The following ARHGEF10 variants were observed in gnomAD, a reference collection of about 807,000 sequenced individuals.
The protein encoded by ARHGEF10 is Rho guanine nucleotide exchange factor 10.
ARHGEF10 carries 140 observed loss-of-function variants against 147.4 expected under a neutral mutation model. The ratio of observed to expected loss-of-function variants is 0.95; its 90% CI spans 0.83 to 1.09. The LOEUF is 1.09. Ranked by LOEUF, ARHGEF10 falls within the 50% of genes least tolerant of loss-of-function variation. The pLI, the probability that ARHGEF10 is intolerant of heterozygous loss-of-function variation, is 0.00. For missense variants in ARHGEF10, 2,222 were observed against 1,752.7 expected (o/e 1.27, Z -4.78); for synonymous variants, 902 against 695.8 (o/e 1.30, Z -4.67).
chr8:1,894,171 C>CA (rs536453124), intron 12 of ARHGEF10, among the ~76,000 whole-genome samples: 95,361 of 135,310 alleles, frequency 0.7, 33,517 homozygotes, highest in East Asian at 0.96. Context: ...GAGACTGTCT[C>CA]AAAAAAAAAA....
intron 7 of ARHGEF10, among the ~76,000 whole-genome samples, chr8:1,872,990 C>T (rs773454691): frequency 3.3e-5 from 5 of 152,190 alleles, no homozygotes; most frequent in Non-Finnish European, 7.3e-5. Context: ...TTTATCCGGT[C>T]GCTTCGGGCA....
chr8:1,870,677 C>G lies in ARHGEF10; in HGVS notation c.679+1427C>G, dbSNP rs983604565. The G allele has an allele frequency of 2.6e-5, 4 of 152,274 alleles. No homozygotes were observed. In the East Asian group the frequency reaches 7.7e-4, roughly 29 times the overall value. The allele number at this position is 152,274 out of a possible 1,614,324, so 9.4% of individuals were successfully genotyped here. A position where few individuals can be genotyped will look rare whatever the true frequency, so the allele number is the denominator to read the frequency against. On this transcript the variant is annotated intron_variant, in intron 7 of 28. Transcript: ENST00000349830. ...TTCATGAGGAAGATATATAACAGTT[C>G]TAAACTCATATGCACCTAACAGCAT...
intron 27 of ARHGEF10, among the ~76,000 whole-genome samples, chr8:1,947,879 G>A (rs1427391949): frequency 6.6e-6 from 1 of 151,550 alleles, no homozygotes; most frequent in African/African-American, 2.4e-5. Context: ...GACCTCTCCT[G>A]TAGAAGAGAA....
intron 16 of ARHGEF10, chr8:1,903,722 G>T: frequency 1.9e-6 from 1 of 532,344 alleles, no homozygotes; most frequent in East Asian, 3.4e-5. Flanking sequence ...CCTCCCAAGG[G>T]GTTAAGAGCA....
intron 4 of ARHGEF10, among the ~76,000 whole-genome samples, chr8:1,860,656 G>C (rs61149536): frequency 0.028 from 4,310 of 152,312 alleles, 228 homozygotes; most frequent in African/African-American, 0.098. Context: ...ACAACGTCTG[G>C]TGCCGAATGT....
At chr8:1,898,570 C>T (rs760191596) in intron 15 of ARHGEF10, 45 bp downstream of exon 15, 3 of 1,573,200 alleles carry the variant, frequency 1.9e-6, no homozygotes, top group East Asian at 2.2e-5. Context: ...CTCTGGCTCG[C>T]CCATGACTCA....
intron 23 of ARHGEF10, among the ~76,000 whole-genome samples, chr8:1,927,818 A>G (rs1484945136): frequency 6.6e-6 from 1 of 152,192 alleles, no homozygotes; most frequent in Non-Finnish European, 1.5e-5. Context: ...GCACGAGCCT[A>G]TAGTCCCAGT....
chr8:1,847,783 G>T (rs1447978317), intron 2 of ARHGEF10, among the ~76,000 whole-genome samples: 1 of 152,148 alleles, frequency 6.6e-6, no homozygotes, highest in African/African-American at 2.4e-5. Flanking sequence ...AACACAAACA[G>T]CCTTCATTCA....
At chr8:1,860,944 G>C (rs569026855) in intron 4 of ARHGEF10, among the ~76,000 whole-genome samples, 2 of 152,140 alleles carry the variant, frequency 1.3e-5, no homozygotes, top group Non-Finnish European at 2.9e-5. Context: ...GCTTTTCCTC[G>C]CCGGGAAGAT....
intron 11 of ARHGEF10, among the ~76,000 whole-genome samples, chr8:1,891,827 A>C (rs1585423697): frequency 6.6e-6 from 1 of 152,134 alleles, no homozygotes; most frequent in East Asian, 1.9e-4. Flanking sequence ...CATCACGTGC[A>C]GTAGCCATGA....
intron 2 of ARHGEF10, among the ~76,000 whole-genome samples, chr8:1,854,020 C>T (rs1188621921): frequency 3.3e-5 from 5 of 152,212 alleles, no homozygotes; most frequent in Admixed American, 2.6e-4. Context: ...ATTTAGGGGA[C>T]ACAATTGAAC....
intron 2 of ARHGEF10, 63 bp downstream of exon 2, chr8:1,843,499 G>A: frequency 1.6e-6 from 2 of 1,255,458 alleles, no homozygotes; most frequent in Non-Finnish European, 1.2e-6. Flanking sequence ...TCAAGGACGG[G>A]GTACTTCTGG....
At chr8:1,848,861 C>A (rs553886343) in intron 2 of ARHGEF10, among the ~76,000 whole-genome samples, 3 of 152,204 alleles carry the variant, frequency 2.0e-5, no homozygotes, top group East Asian at 3.9e-4. Flanking sequence ...CAAACATTAG[C>A]AGTTTTTTTC....
intron 1 of ARHGEF10, among the ~76,000 whole-genome samples, chr8:1,827,266 CTGTT>C (rs1036824935): frequency 6.6e-5 from 10 of 152,266 alleles, no homozygotes; most frequent in African/African-American, 7.2e-5. Context: ...GGTTTTGGTT[CTGTT>C]TGTTTGTTTT....
At chr8:1,848,419 C>G (rs1049455159) in intron 2 of ARHGEF10, among the ~76,000 whole-genome samples, 1 of 152,184 alleles carries the variant, frequency 6.6e-6, no homozygotes, top group Non-Finnish European at 1.5e-5. Flanking sequence ...TAATCCACGA[C>G]TCTGTACTTA....
At chr8:1,918,667 T>A (rs1342022765) in intron 18 of ARHGEF10, among the ~76,000 whole-genome samples, 1 of 152,248 alleles carries the variant, frequency 6.6e-6, no homozygotes, top group Non-Finnish European at 1.5e-5. Context: ...GTGAGAACCT[T>A]AAAGTCTACT....
At chr8:1,925,858 C>A (rs942748943) in intron 22 of ARHGEF10, among the ~76,000 whole-genome samples, 12 of 152,220 alleles carry the variant, frequency 7.9e-5, no homozygotes, top group African/African-American at 2.9e-4. Flanking sequence ...GTTGCTGACT[C>A]AGGCATCACA....
intron 10 of ARHGEF10, among the ~76,000 whole-genome samples, chr8:1,883,794 A>G (rs78972657): frequency 0.05 from 7,626 of 152,240 alleles, 215 homozygotes; most frequent in South Asian, 0.081. Flanking sequence ...GCCCCTGGAA[A>G]GCACAGGCAG....
intron 26 of ARHGEF10, among the ~76,000 whole-genome samples, chr8:1,939,388 G>A (rs1813893994): frequency 6.6e-6 from 1 of 152,244 alleles, no homozygotes; most frequent in African/African-American, 2.4e-5. Context: ...AGACATTGAT[G>A]ACACAGGCCC....
Sources: gnomAD v4.1 joint callset for allele counts (sites outside exome capture counted in the v4.1 genomes callset) on GRCh38, gnomAD v4.1.1 for gene constraint, MANE v1.5 for transcripts, NCBI Gene and HGNC (gene_info 2026-07-23, HGNC 2026-07-21) for gene names.